Variants in L3MBTL4 observed in about 807,000 individuals in gnomAD.
L3MBTL4 encodes the protein lethal(3)malignant brain tumor-like protein 4.
L3MBTL4 carries 70 observed loss-of-function variants against 84.5 expected under a neutral mutation model. The observed-to-expected ratio is 0.83, with a 90% CI of 0.68 to 1.01. L3MBTL4 has a LOEUF of 1.01. Among genes scored for constraint, L3MBTL4 ranks in the 50% least tolerant of loss-of-function variants. The pLI is 0.00. For synonymous variants in L3MBTL4, 274 were observed against 259.8 expected (o/e 1.05, Z -0.52); for missense variants, 715 against 754.8 (o/e 0.95, Z 0.62).
chr18:6,172,264 T>C (rs1031316188), intron 12 of L3MBTL4, among the ~76,000 whole-genome samples: 1 of 152,140 alleles, frequency 6.6e-6, no homozygotes, highest in Non-Finnish European at 1.5e-5. Context: ...ATACTCTTTG[T>C]CCTGAGCGAC....
At chr18:6,242,045 G>A (rs2047473136) in intron 7 of L3MBTL4, among the ~76,000 whole-genome samples, 1 of 152,152 alleles carries the variant, frequency 6.6e-6, no homozygotes, top group South Asian at 2.1e-4. Context: ...ATGCCCTGGC[G>A]TGGCTCTCAC....
At chr18:6,164,054 G>A (rs1243205678) in intron 13 of L3MBTL4, among the ~76,000 whole-genome samples, 1 of 152,220 alleles carries the variant, frequency 6.6e-6, no homozygotes, top group Non-Finnish European at 1.5e-5. Context: ...GGCTTGGAAG[G>A]TCCTATGCCC....
At position 6,147,627 on chromosome 18, in the gene L3MBTL4, T is replaced by A. The variant is rs140295359; in HGVS notation, c.1097-9331A>T. On this transcript the variant is annotated intron_variant, in intron 13 of 18. Transcript: ENST00000317931. ...ACCATCTGCCTGACATAGGGATATG[T>A]TTAGAAATGTGGTAAATTCCTGAAA... Among the ~76,000 whole-genome samples, 483 of 152,294 alleles carry A rather than the reference T, an allele frequency of 3.2e-3. 2 individuals carry two copies. Among genetic ancestry groups the A allele is most frequent in the African/African-American group, 0.011 (449 of 41,552 alleles).
At position 6,131,968 on chromosome 18, in the gene L3MBTL4, A is replaced by G. The variant is rs560929391; in HGVS notation, c.1199+6226T>C. Reference sequence around the variant, plus strand: ...GTACCACAGTTACATTTGTAAATTGATTAACTGGGTAAAAAACAGTGATTA... The same window carrying G: ...GTACCACAGTTACATTTGTAAATTGGTTAACTGGGTAAAAAACAGTGATTA... On this transcript the variant is annotated intron_variant, in intron 14 of 18. Coordinates refer to ENST00000317931, the MANE Select transcript of L3MBTL4 (RefSeq NM_001330559.2). Among the ~76,000 whole-genome samples, 10 of 152,296 alleles carry G rather than the reference A, an allele frequency of 6.6e-5. No individual in the cohort carries two copies. The East Asian group carries it at 1.9e-3, about 29-fold the overall frequency.
intron 1 of L3MBTL4, among the ~76,000 whole-genome samples, chr18:6,399,392 G>A (rs2055418268): frequency 6.6e-6 from 1 of 151,252 alleles, no homozygotes; most frequent in Non-Finnish European, 1.5e-5. Context: ...AGCCAAGACT[G>A]AACCACTGCA....
chr18:6,036,943 T>C (rs1358091754), intron 16 of L3MBTL4, among the ~76,000 whole-genome samples: 2 of 152,182 alleles, frequency 1.3e-5, no homozygotes, highest in East Asian at 1.9e-4. Flanking sequence ...TTTTAGTCTT[T>C]AATGTCTGGT....
At chr18:6,364,691 A>T (rs147999899) in intron 1 of L3MBTL4, among the ~76,000 whole-genome samples, 1 of 152,280 alleles carries the variant, frequency 6.6e-6, no homozygotes, top group East Asian at 1.9e-4. Flanking sequence ...AATCAAAATG[A>T]TATATTTTGT....
intron 16 of L3MBTL4, among the ~76,000 whole-genome samples, chr18:6,049,025 CA>C (rs1261147761): frequency 2.0e-5 from 3 of 152,056 alleles, no homozygotes; most frequent in African/African-American, 7.2e-5. Context: ...GTGGTTCACA[CA>C]TGTAATTCCA....
intron 1 of L3MBTL4, among the ~76,000 whole-genome samples, chr18:6,321,278 C>G (rs2051389072): frequency 6.6e-6 from 1 of 152,104 alleles, no homozygotes; most frequent in South Asian, 2.1e-4. Flanking sequence ...GCATAATCAT[C>G]AGAATAAACA....
At position 6,138,213 on chromosome 18, in the gene L3MBTL4, G is replaced by T; in HGVS notation, c.1180C>A (p.Arg394Ser). ...CRGIGHIRGPRYSGHHSAFGC... is the reference protein window; with the variant it reads ...CRGIGHIRGPSYSGHHSAFGC... ...TGTTACCTGTGATGTCCCGAATAAC[G>T]TGGACCACGGATATGGCCTATTCCT... The change falls in exon 14 of 19, where the codon CGT (arginine) becomes AGT (serine). Residue 394 changes from arginine to serine, a missense_variant. Physicochemically the swap from Arg to Ser is moderately radical, Grantham distance 110 (BLOSUM62 -1). Transcript: ENST00000317931. 2 of 1,611,032 alleles carry T rather than the reference G, an allele frequency of 1.2e-6. No individual in the cohort carries two copies. The highest frequency in any genetic ancestry group is 1.7e-6 in the Non-Finnish European group (2 of 1,177,812).
intron 1 of L3MBTL4, among the ~76,000 whole-genome samples, chr18:6,411,127 AG>A (rs760931158): frequency 3.9e-5 from 6 of 152,228 alleles, no homozygotes; most frequent in Non-Finnish European, 8.8e-5. Flanking sequence ...CTTAAACAAA[AG>A]ATTATATGTG....
intron 16 of L3MBTL4, among the ~76,000 whole-genome samples, chr18:6,045,365 A>G (rs961234746): frequency 1.3e-5 from 2 of 152,248 alleles, no homozygotes; most frequent in Admixed American, 1.3e-4. Context: ...GACCAGCCTT[A>G]CAAGAGATCC....
chr18:5,981,483 T>A (rs1358497420), intron 16 of L3MBTL4, among the ~76,000 whole-genome samples: 2 of 152,250 alleles, frequency 1.3e-5, no homozygotes, highest in East Asian at 1.9e-4. Context: ...TGCAAAAGGC[T>A]CTGTGCTCTT....
chr18:6,068,447 C>G (rs1475372381), intron 16 of L3MBTL4, among the ~76,000 whole-genome samples: 1 of 152,204 alleles, frequency 6.6e-6, no homozygotes, highest in African/African-American at 2.4e-5. Context: ...GCCACCTCAG[C>G]TCCCCTGCCA....
chr18:6,398,478 G>A (rs905234662), intron 1 of L3MBTL4, among the ~76,000 whole-genome samples: 9 of 152,164 alleles, frequency 5.9e-5, no homozygotes, highest in African/African-American at 9.7e-5. Flanking sequence ...CTGGGATCAC[G>A]TCAGGCATAG....
intron 16 of L3MBTL4, among the ~76,000 whole-genome samples, chr18:6,035,128 G>A (rs992142818): frequency 2.0e-5 from 3 of 150,274 alleles, no homozygotes. Context: ...AGTTTCTTTT[G>A]CTGTGCAGAA....
rs78198136 is a variant in L3MBTL4, at chr18:6,217,029, T to C, written c.785-1194A>G. ...CTATATTATGCAAAAATCTGTCCTTTAAGCAGAAAGTCTGAAGCAATATGC... is the reference window on the plus strand; with the variant it reads ...CTATATTATGCAAAAATCTGTCCTTCAAGCAGAAAGTCTGAAGCAATATGC... On this transcript the variant is annotated intron_variant, in intron 10 of 18. Coordinates refer to ENST00000317931, the MANE Select transcript of L3MBTL4 (RefSeq NM_001330559.2). Among the ~76,000 whole-genome samples the C allele has an allele frequency of 2.8e-4, 42 of 152,324 alleles. 1 individual carries two copies. Among genetic ancestry groups the C allele is most frequent in the Non-Finnish European group, 5.7e-4 (39 of 68,024 alleles).
chr18:6,404,646 T>C (rs929065714), intron 1 of L3MBTL4, among the ~76,000 whole-genome samples: 2 of 152,168 alleles, frequency 1.3e-5, no homozygotes, highest in African/African-American at 4.8e-5. Context: ...AGAAGGTCAG[T>C]AAATAATCTC....
chr18:6,168,547 T>C (rs1426452567), intron 13 of L3MBTL4, among the ~76,000 whole-genome samples: 6 of 152,300 alleles, frequency 3.9e-5, no homozygotes, highest in Admixed American at 1.3e-4. Flanking sequence ...ATCTGATCTT[T>C]GACAAACCTG....
Sources: gnomAD v4.1 joint callset for allele counts (sites outside exome capture counted in the v4.1 genomes callset) on GRCh38, gnomAD v4.1.1 for gene constraint, MANE v1.5 for transcripts, NCBI Gene and HGNC (gene_info 2026-07-23, HGNC 2026-07-21) for gene names.